The following LY86 variants were observed in gnomAD, a reference collection of about 807,000 sequenced individuals.
LY86 encodes lymphocyte antigen 86, also known as MD-1, RP105-associated.
In LY86, 20 loss-of-function variants were observed where a neutral mutation model predicts 17.3. The observed-to-expected ratio is 1.15, with a 90% CI of 0.81 to 1.68. The LOEUF is 1.68. Among genes scored for constraint, LY86 ranks in the 40% most tolerant of loss-of-function variants. The pLI is 0.00. For synonymous variants in LY86, 74 were observed against 70.6 expected (o/e 1.05, Z -0.24); for missense variants, 200 against 191.9 (o/e 1.04, Z -0.25).
At chr6:6,598,307 C>T (rs975662697) in intron 1 of LY86, among the ~76,000 whole-genome samples, 8 of 151,994 alleles carry the variant, frequency 5.3e-5, no homozygotes, top group Admixed American at 2.0e-4. Context: ...TTTTTCTTAA[C>T]CTCATTTCAA....
At chr6:6,649,522 G>T in intron 3 of LY86, 103 bp from the exon 4 acceptor site, 2 of 691,938 alleles carry the variant, frequency 2.9e-6, no homozygotes, top group Non-Finnish European at 4.9e-6. Flanking sequence ...CTCTTATTTT[G>T]GTGCCAATAA....
chr6:6,594,856 C>T (rs1760650021), intron 1 of LY86, among the ~76,000 whole-genome samples: 1 of 152,154 alleles, frequency 6.6e-6, no homozygotes, highest in Non-Finnish European at 1.5e-5. Flanking sequence ...GAAACTGAAG[C>T]GTACACACAT....
chr6:6,642,870 C>G (rs1224597773), intron 3 of LY86, among the ~76,000 whole-genome samples: 2 of 152,262 alleles, frequency 1.3e-5, no homozygotes, highest in Non-Finnish European at 2.9e-5. Flanking sequence ...CCTCCCTCCT[C>G]CTCCTCCGGA....
At chr6:6,594,635 A>C (rs1244612117) in intron 1 of LY86, among the ~76,000 whole-genome samples, 1 of 152,186 alleles carries the variant, frequency 6.6e-6, no homozygotes. Context: ...GATTCTACCC[A>C]CAGAGAGGCT....
At chr6:6,633,667 T>G (rs924241517) in intron 3 of LY86, among the ~76,000 whole-genome samples, 1 of 152,142 alleles carries the variant, frequency 6.6e-6, no homozygotes, top group African/African-American at 2.4e-5. Context: ...CACTTGATAA[T>G]AAGAGACATG....
intron 1 of LY86, among the ~76,000 whole-genome samples, chr6:6,607,913 TAAAA>T (rs955844102): frequency 4.7e-5 from 7 of 149,782 alleles, no homozygotes; most frequent in Admixed American, 2.0e-4. Context: ...AAAATAAAAA[TAAAA>T]AAATAAATCA....
intron 1 of LY86, among the ~76,000 whole-genome samples, chr6:6,593,414 CAAGT>C (rs1026081035): frequency 1.1e-4 from 15 of 133,294 alleles, no homozygotes; most frequent in East Asian, 2.8e-4. Context: ...TCTCTTTTGC[CAAGT>C]AAGATAAGAT....
chr6:6,601,749 A>G (rs1760919076), intron 1 of LY86, among the ~76,000 whole-genome samples: 1 of 152,066 alleles, frequency 6.6e-6, no homozygotes, highest in African/African-American at 2.4e-5. Flanking sequence ...AGAAATATAC[A>G]ATAGAAAGCA....
intron 3 of LY86, among the ~76,000 whole-genome samples, chr6:6,633,112 G>A (rs76175121): frequency 0.032 from 4,800 of 152,254 alleles, 220 homozygotes; most frequent in African/African-American, 0.11. Context: ...GCCAAAATTT[G>A]GTTGTAAGAT....
chr6:6,635,929 T>C (rs1561790808), intron 3 of LY86, among the ~76,000 whole-genome samples: 1 of 152,344 alleles, frequency 6.6e-6, no homozygotes, highest in East Asian at 1.9e-4. Context: ...TATGGAAGCA[T>C]TTCCTGTCCC....
chr6:6,629,256 T>C (rs547964314), intron 3 of LY86, among the ~76,000 whole-genome samples: 1 of 152,344 alleles, frequency 6.6e-6, no homozygotes, highest in South Asian at 2.1e-4. Context: ...ATACAAATGC[T>C]GCATGAACAA....
At chr6:6,605,680 T>A (rs1281529400) in intron 1 of LY86, among the ~76,000 whole-genome samples, 5 of 152,232 alleles carry the variant, frequency 3.3e-5, no homozygotes. Context: ...GGGTTCTTCA[T>A]CTCACGGACT....
At chr6:6,611,838 C>T (rs1761346643) in intron 1 of LY86, among the ~76,000 whole-genome samples, 1 of 152,176 alleles carries the variant, frequency 6.6e-6, no homozygotes, top group African/African-American at 2.4e-5. Flanking sequence ...GGGCTTTTGT[C>T]TCTCCTGTCA....
chr6:6,627,519 C>T lies in LY86; in HGVS notation c.352+1098C>T, dbSNP rs575098340. On this transcript the variant is annotated intron_variant, in intron 3 of 4. Transcript: ENST00000230568. ...TGTGTGGCACATCACTGTATCCTAG[C>T]GTTTGCCATGTTGGACTGTCCTGGT... 8.1e-4 allele frequency among the ~76,000 whole-genome samples: 123 copies of T among 152,268 alleles called. No homozygotes were observed. In the Middle Eastern group the frequency reaches 0.01, roughly 13 times the overall value.
At chr6:6,614,377 C>CTTTTTTTTTTTTTT (rs57187485) in intron 1 of LY86, among the ~76,000 whole-genome samples, 6 of 145,550 alleles carry the variant, frequency 4.1e-5, no homozygotes, top group Non-Finnish European at 3.0e-5. Flanking sequence ...AATCACGTCT[C>CTTTTTTTTTTTTTT]TTTTTTTTTT....
chr6:6,611,238 G>A (rs572918462), intron 1 of LY86, among the ~76,000 whole-genome samples: 3 of 152,308 alleles, frequency 2.0e-5, no homozygotes, highest in Non-Finnish European at 4.4e-5. Flanking sequence ...CAGTCTTTGG[G>A]ACTTGAGTTT....
In LY86 at chr6:6,612,510, A is replaced by G. The variant is rs565514168; in HGVS notation, c.137-12416A>G. On this transcript the variant is annotated intron_variant, in intron 1 of 4. Coordinates refer to ENST00000230568, the MANE Select transcript of LY86 (RefSeq NM_004271.4). ...TGTAAACAACAAAAACACTTACTGC[A>G]AAAAGCAAAAGAACAAACCAACCAC... is the stretch of plus-strand genomic sequence containing the variant. Among the ~76,000 whole-genome samples the G allele has an allele frequency of 6.2e-3, 861 of 138,024 alleles. 3 individuals carry two copies. The highest frequency in any genetic ancestry group is 0.02 in the African/African-American group (726 of 35,802). The allele number at this position is 138,024 out of a possible 152,430, so 90.5% of individuals were successfully genotyped here. A position where few individuals can be genotyped will look rare whatever the true frequency, so the allele number is the denominator to read the frequency against.
chr6:6,607,375 T>C (rs1037817234), intron 1 of LY86, among the ~76,000 whole-genome samples: 13 of 152,262 alleles, frequency 8.5e-5, no homozygotes, highest in African/African-American at 2.6e-4. Context: ...GTTTTAAAAA[T>C]AGGAAAAAGA....
intron 1 of LY86, among the ~76,000 whole-genome samples, chr6:6,604,635 G>T (rs1044976050): frequency 1.3e-5 from 2 of 152,140 alleles, no homozygotes; most frequent in African/African-American, 4.8e-5. Context: ...AAATTTTCCA[G>T]AACTGCAAAA....
Sources: gnomAD v4.1 joint callset for allele counts (sites outside exome capture counted in the v4.1 genomes callset) on GRCh38, gnomAD v4.1.1 for gene constraint, MANE v1.5 for transcripts, NCBI Gene and HGNC (gene_info 2026-07-23, HGNC 2026-07-21) for gene names.